The following SOCS4 variants were observed in gnomAD, a reference collection of about 807,000 sequenced individuals.
SOCS4 encodes the protein SH2 domain containing SOCS box protein.
Under a neutral mutation model 34.1 loss-of-function variants are expected in SOCS4, and 20 were observed. The observed-to-expected ratio is 0.59, with a 90% CI of 0.41 to 0.85. The LOEUF is 0.85. Among genes scored for constraint, SOCS4 ranks in the 40% least tolerant of loss-of-function variants. The probability of loss-of-function intolerance (pLI) is 0.00; values close to 1 mark genes in which losing one functional copy is unlikely to be tolerated. For synonymous variants in SOCS4, 180 were observed against 186.4 expected, an observed-to-expected ratio of 0.97 and a Z score of 0.28; for missense variants, 479 against 532.4, an observed-to-expected ratio of 0.90 and a Z score of 0.99.
intron 2 of SOCS4, among the ~76,000 whole-genome samples, 183 bp downstream of exon 2, chr14:55,032,174 G>A (rs1389985297): frequency 6.6e-6 from 1 of 152,152 alleles, no homozygotes; most frequent in Non-Finnish European, 1.5e-5. Flanking sequence ...ATAGACATAA[G>A]TAGTTCAATG....
At position 55,046,538 on chromosome 14, in the gene SOCS4, A is replaced by T. The variant is rs1456929840; in HGVS notation, c.*2174A>T. On this transcript the variant is annotated 3_prime_UTR_variant, in exon 3 of 3. Transcript: ENST00000555846. ...AGTGTTAAAATTAGTATTTATATGA[A>T]AGTCAAGATCTAAGTACCTTTTCAT... 1.2e-5 allele frequency: 2 copies of T among 166,506 alleles called. No homozygotes were observed. Among genetic ancestry groups the T allele is most frequent in the African/African-American group, 2.4e-5 (1 of 41,390 alleles). 10.3% of individuals were successfully genotyped at this position (166,506 alleles called of 1,614,324 possible).
chr14:55,034,591 TG>T (rs2042555967), intron 2 of SOCS4, among the ~76,000 whole-genome samples: 6 of 152,042 alleles, frequency 3.9e-5, no homozygotes, highest in African/African-American at 1.2e-4. Context: ...CTTAGCACTT[TG>T]GGAGGCCGAG....
At chr14:55,032,762 C>CTTG (rs1555374327) in intron 2 of SOCS4, among the ~76,000 whole-genome samples, 3 of 107,826 alleles carry the variant, frequency 2.8e-5, no homozygotes, top group Non-Finnish European at 5.5e-5. Flanking sequence ...GTAAAGCCAC[C>CTTG]TTATTATTAT....
intron 2 of SOCS4, among the ~76,000 whole-genome samples, chr14:55,032,748 G>A (rs1382771900): frequency 7.2e-6 from 1 of 138,376 alleles, no homozygotes; most frequent in Admixed American, 7.0e-5. Flanking sequence ...ACATGAAATT[G>A]TTGGTAAAGC....
intron 2 of SOCS4, among the ~76,000 whole-genome samples, chr14:55,042,554 G>A (rs2042629897): frequency 6.6e-6 from 1 of 152,174 alleles, no homozygotes; most frequent in Non-Finnish European, 1.5e-5. Context: ...TCATAGATTT[G>A]TGTCTGTCTT....
At position 55,041,783 on chromosome 14, in the gene SOCS4, CTTTTTTTT is replaced by C. The variant is rs35998700; in HGVS notation, c.-90-1150_-90-1143del. Among the ~76,000 whole-genome samples the C allele has an allele frequency of 6.2e-3, 249 of 40,090 alleles. 8 individuals carry two copies. Among genetic ancestry groups the C allele is most frequent in the African/African-American group, 0.019 (222 of 11,996 alleles). The allele number at this position is 40,090 out of a possible 152,430, so 26.3% of individuals were successfully genotyped here. A position where few individuals can be genotyped will look rare whatever the true frequency, so the allele number is the denominator to read the frequency against. ...CCACCGTGCCCAGCCAACCCTTAAT[CTTTTTTTT>C]TTTTTTTTTTTTTTTTTTGAGCTGA... On this transcript the variant is annotated intron_variant, in intron 2 of 2. Coordinates refer to ENST00000555846, the MANE Select transcript of SOCS4 (RefSeq NM_199421.2).
intron 1 of SOCS4, among the ~76,000 whole-genome samples, chr14:55,030,482 T>C (rs2042518976): frequency 6.6e-6 from 1 of 152,184 alleles, no homozygotes; most frequent in African/African-American, 2.4e-5. Flanking sequence ...GCAGATTTTC[T>C]AGCCTTACAT....
At chr14:55,041,500 A>G (rs1366326186) in intron 2 of SOCS4, among the ~76,000 whole-genome samples, 1 of 151,130 alleles carries the variant, frequency 6.6e-6, no homozygotes, top group African/African-American at 2.4e-5. Context: ...TTCCTCCAAG[A>G]CAGAGTCTTG....
At chr14:55,027,577 C>A (rs967654226) in intron 1 of SOCS4, 106 bp downstream of exon 1, 1 of 152,546 alleles carries the variant, frequency 6.6e-6, no homozygotes, top group African/African-American at 2.4e-5. Flanking sequence ...CTAAAAGGAT[C>A]CGGTCTCTTT....
Position 55,043,952 on chromosome 14 carries a change from C to G in SOCS4, c.911C>G (p.Pro304Arg). 1 of 1,614,104 alleles carries G rather than the reference C, an allele frequency of 6.2e-7. No individual in the cohort carries two copies. Among genetic ancestry groups the G allele is most frequent in the Non-Finnish European group, 8.5e-7 (1 of 1,180,018 alleles). The change falls in exon 3 of 3, where the codon CCA (proline) becomes CGA (arginine). Residue 304 changes from proline to arginine, a missense_variant. Transcript: ENST00000555846. ...YAAEALLEGK[P>R]EGTFLLRDSA... is the part of the protein sequence containing the mutation. Reference sequence around the variant, plus strand: ...GCCGAAGCACTACTGGAAGGAAAACCAGAGGGTACCTTTTTACTTCGAGAC... The same window carrying G: ...GCCGAAGCACTACTGGAAGGAAAACGAGAGGGTACCTTTTTACTTCGAGAC...
intron 2 of SOCS4, among the ~76,000 whole-genome samples, chr14:55,032,860 G>C (rs796540949): frequency 9.2e-5 from 14 of 151,982 alleles, no homozygotes; most frequent in African/African-American, 3.4e-4. Flanking sequence ...TCAGCTCACT[G>C]CAAGGTCCGC....
chr14:55,034,634 C>T (rs1366980005), intron 2 of SOCS4, among the ~76,000 whole-genome samples: 1 of 151,860 alleles, frequency 6.6e-6, no homozygotes, highest in Non-Finnish European at 1.5e-5. Context: ...GAGTTCAAGA[C>T]CAGCCTGGCC....
Position 55,043,952 on chromosome 14 carries a change from C to T in SOCS4, c.911C>T (p.Pro304Leu). ...YAAEALLEGK[P>L]EGTFLLRDSA... ...GCCGAAGCACTACTGGAAGGAAAAC[C>T]AGAGGGTACCTTTTTACTTCGAGAC... The change falls in exon 3 of 3, where the codon CCA becomes CTA. Residue 304 changes from proline (P) to leucine (L), a missense_variant. Pro to Leu is a moderately conservative substitution (Grantham distance 98). Coordinates refer to ENST00000555846, the MANE Select transcript of SOCS4 (RefSeq NM_199421.2). 2 of 1,614,104 alleles carry T rather than the reference C, an allele frequency of 1.2e-6. No individual in the cohort carries two copies. The highest frequency in any genetic ancestry group is 1.7e-6 in the Non-Finnish European group (2 of 1,180,018).
Position 55,048,595 on chromosome 14 carries a change from CTAA to C in SOCS4, c.*4234_*4236del, listed in dbSNP as rs2140253300. The C allele has an allele frequency of 6.0e-6, 1 of 167,040 alleles. No homozygotes were observed. Among genetic ancestry groups the C allele is most frequent in the African/African-American group, 2.4e-5 (1 of 41,512 alleles). The allele number at this position is 167,040 out of a possible 1,614,324, so 10.3% of individuals were successfully genotyped here. A position where few individuals can be genotyped will look rare whatever the true frequency, so the allele number is the denominator to read the frequency against. On this transcript the variant is annotated 3_prime_UTR_variant, in exon 3 of 3. Coordinates refer to ENST00000555846, the MANE Select transcript of SOCS4 (RefSeq NM_199421.2). ...AGTGCAAGAGTCTACCTGTACTATT[CTAA>C]TACAGTAAGATATTGGACACAAAAT...
intron 1 of SOCS4, among the ~76,000 whole-genome samples, chr14:55,031,513 A>G (rs1180169424): frequency 2.0e-5 from 3 of 152,214 alleles, no homozygotes; most frequent in African/African-American, 7.2e-5. Context: ...ATTTGACAAG[A>G]GAACCTTTTT....
In SOCS4 at chr14:55,041,683, C is replaced by T. The variant is rs548922037; in HGVS notation, c.-90-1269C>T. Among the ~76,000 whole-genome samples, 17 of 151,392 alleles carry T rather than the reference C, an allele frequency of 1.1e-4. No individual in the cohort carries two copies. The South Asian group carries it at 3.6e-3, about 32-fold the overall frequency. ...AGAGACAGGGTGTCACCATGTTGGC[C>T]AGGCTGGTCTCGAACTCCTGACCTC... On this transcript the variant is annotated intron_variant, in intron 2 of 2. Transcript: ENST00000555846.
At chr14:55,039,720 T>C (rs8022405) in intron 2 of SOCS4, among the ~76,000 whole-genome samples, 77,913 of 151,890 alleles carry the variant, frequency 0.51, 21,681 homozygotes, top group African/African-American at 0.74. Flanking sequence ...GGTGAAACCT[T>C]GTCTCTACTA....
intron 2 of SOCS4, among the ~76,000 whole-genome samples, chr14:55,040,936 G>T (rs964515616): frequency 2.0e-5 from 3 of 148,364 alleles, no homozygotes; most frequent in Non-Finnish European, 4.4e-5. Context: ...CTGTCACTCA[G>T]ACTGGAGTGC....
intron 2 of SOCS4, among the ~76,000 whole-genome samples, chr14:55,038,939 C>T (rs1349394873): frequency 6.6e-6 from 1 of 152,148 alleles, no homozygotes; most frequent in Admixed American, 6.5e-5. Flanking sequence ...TTCTGTACTT[C>T]TATTTTATGA....
Sources: gnomAD v4.1 joint callset for allele counts (sites outside exome capture counted in the v4.1 genomes callset) on GRCh38, gnomAD v4.1.1 for gene constraint, MANE v1.5 for transcripts, NCBI Gene and HGNC (gene_info 2026-07-23, HGNC 2026-07-21) for gene names.